The following DIP2C variants were observed in gnomAD, a reference collection of about 807,000 sequenced individuals.
DIP2C encodes DIP2 acetate--CoA ligase C (putative), also known as disco-interacting protein 2 homolog C.
In DIP2C, 33 loss-of-function variants were observed where a neutral mutation model predicts 192.4. The observed-to-expected ratio is 0.17, with a 90% CI of 0.13 to 0.23. DIP2C has a LOEUF of 0.23. Ranked by LOEUF, DIP2C falls within the 10% of genes least tolerant of loss-of-function variation. The pLI is 1.00. For missense variants in DIP2C, 1,537 were observed against 2,110.1 expected (o/e 0.73, Z 5.32); for synonymous variants, 979 against 864.1 (o/e 1.13, Z -2.33).
chr10:277,969 C>A (rs907101356), intron 36 of DIP2C, among the ~76,000 whole-genome samples: 1 of 152,250 alleles, frequency 6.6e-6, no homozygotes, highest in Non-Finnish European at 1.5e-5. Context: ...CTCAAGGCAG[C>A]CCTGTGCCTC....
chr10:593,958 CTT>C (rs1851552917), intron 1 of DIP2C, among the ~76,000 whole-genome samples: 4 of 152,186 alleles, frequency 2.6e-5, no homozygotes, highest in South Asian at 2.1e-4. Context: ...GTCCAGCACA[CTT>C]TATCATGAAT....
Position 518,153 on chromosome 10 carries a change from G to C in DIP2C, c.86-31623C>G, listed in dbSNP as rs192071239. On this transcript the variant is annotated intron_variant, in intron 1 of 36. Coordinates refer to ENST00000280886, the MANE Select transcript of DIP2C (RefSeq NM_014974.3). Reference sequence around the variant, plus strand: ...CAGTCACAGGCATGAGGCCTGGAGGGCGGACACCCAGTGCTGCTGACCACC... The same window carrying C: ...CAGTCACAGGCATGAGGCCTGGAGGCCGGACACCCAGTGCTGCTGACCACC... Among the ~76,000 whole-genome samples the C allele has an allele frequency of 3.2e-3, 493 of 152,326 alleles. 3 individuals carry two copies. Among genetic ancestry groups the C allele is most frequent in the African/African-American group, 0.011 (470 of 41,572 alleles).
chr10:297,831 T>C (rs149371402), intron 32 of DIP2C, among the ~76,000 whole-genome samples: 14 of 152,334 alleles, frequency 9.2e-5, no homozygotes, highest in African/African-American at 3.1e-4. Flanking sequence ...AAAGAAATGA[T>C]GCACGCTCCC....
intron 1 of DIP2C, among the ~76,000 whole-genome samples, chr10:606,513 C>T (rs1212727880): frequency 3.6e-5 from 5 of 139,834 alleles, no homozygotes; most frequent in African/African-American, 5.3e-5. Flanking sequence ...GGGGATCTCA[C>T]GGCCCCGCTG....
At chr10:395,399 C>T (rs1223424118) in intron 10 of DIP2C, among the ~76,000 whole-genome samples, 3 of 152,048 alleles carry the variant, frequency 2.0e-5, no homozygotes, top group South Asian at 2.1e-4. Context: ...TCACACTCTA[C>T]CCCATAAATG....
At chr10:580,372 GTATA>G (rs537142815) in intron 1 of DIP2C, among the ~76,000 whole-genome samples, 4 of 152,114 alleles carry the variant, frequency 2.6e-5, no homozygotes, top group South Asian at 2.1e-4. Context: ...GTGCACACAT[GTATA>G]TATATAAGTA....
rs144804147 is a variant in DIP2C at position 423,105 on chromosome 10, AAC to A, written c.395-74_395-73del. ...GCACCACAATCTCAGTCCCTCGCCA[AAC>A]ACAGATTTACTTCACGTAAGTCTCA... On this transcript the variant is annotated intron_variant, in intron 4 of 36. Transcript: ENST00000280886. The A allele has an allele frequency of 7.6e-4, 1,071 of 1,401,572 alleles. 9 individuals carry two copies. The African/African-American group carries it at 0.013, about 17-fold the overall frequency. 86.8% of individuals were successfully genotyped at this position (1,401,572 alleles called of 1,614,324 possible).
intron 10 of DIP2C, 49 bp from the exon 11 acceptor site, chr10:390,912 C>T (rs202227262): frequency 1.8e-4 from 286 of 1,601,366 alleles, no homozygotes; most frequent in Non-Finnish European, 2.1e-4. Flanking sequence ...TGCCCCACTC[C>T]GCCCAGCCTT....
chr10:295,935 T>C (rs1181100803), intron 32 of DIP2C, among the ~76,000 whole-genome samples: 3 of 152,252 alleles, frequency 2.0e-5, no homozygotes, highest in Non-Finnish European at 4.4e-5. Flanking sequence ...GAAGTGTCTG[T>C]TCATATCCTT....
chr10:534,133 C>T (rs1847567883), intron 1 of DIP2C, among the ~76,000 whole-genome samples: 1 of 152,254 alleles, frequency 6.6e-6, no homozygotes, highest in Non-Finnish European at 1.5e-5. Flanking sequence ...CCTGACCCCA[C>T]TTCCCAGAGT....
intron 1 of DIP2C, among the ~76,000 whole-genome samples, chr10:544,143 TGACCTTTGGTG>T (rs1848156740): frequency 1.3e-5 from 2 of 150,850 alleles, no homozygotes; most frequent in African/African-American, 5.0e-5. Flanking sequence ...GCACAGTGCG[TGACCTTTGGTG>T]TGACCTTTGG....
intron 1 of DIP2C, among the ~76,000 whole-genome samples, chr10:520,852 G>A (rs1846659051): frequency 6.6e-6 from 1 of 152,204 alleles, no homozygotes; most frequent in South Asian, 2.1e-4. Flanking sequence ...CCATCTGCAT[G>A]TTCATGGATA....
intron 1 of DIP2C, among the ~76,000 whole-genome samples, chr10:681,486 C>G (rs1831131452): frequency 6.6e-6 from 1 of 151,650 alleles, no homozygotes. Flanking sequence ...ACCCCAGTCC[C>G]ATGGTGCAGC....
At chr10:311,738 C>A (rs1177326322) in intron 31 of DIP2C, among the ~76,000 whole-genome samples, 1 of 152,092 alleles carries the variant, frequency 6.6e-6, no homozygotes, top group Non-Finnish European at 1.5e-5. Flanking sequence ...AAAAGAAGAT[C>A]AAAAACAACA....
At chr10:424,382 T>TTTTTTTTTTTTTTTTTTTTTTTTTG (rs1388302720) in intron 4 of DIP2C, among the ~76,000 whole-genome samples, 1 of 101,362 alleles carries the variant, frequency 9.9e-6, no homozygotes. Flanking sequence ...TTTTTTTTTT[T>TTTTTTTTTTTTTTTTTTTTTTTTTG]TGAGACAGAG....
intron 32 of DIP2C, among the ~76,000 whole-genome samples, chr10:292,601 G>T (rs547673384): frequency 1.2e-4 from 19 of 152,326 alleles, no homozygotes; most frequent in African/African-American, 4.3e-4. Flanking sequence ...AGCCCTGATG[G>T]CGCCGTGCAA....
chr10:644,690 G>A (rs1013752450), intron 1 of DIP2C, among the ~76,000 whole-genome samples: 5 of 151,578 alleles, frequency 3.3e-5, no homozygotes, highest in Admixed American at 2.0e-4. Flanking sequence ...TCAGCAACAC[G>A]GCCCACCATA....
At chr10:602,819 C>A (rs575854058) in intron 1 of DIP2C, among the ~76,000 whole-genome samples, 1 of 152,136 alleles carries the variant, frequency 6.6e-6, no homozygotes, top group Non-Finnish European at 1.5e-5. Context: ...GATCCTTTTT[C>A]GCAGAAAGAT....
intron 2 of DIP2C, among the ~76,000 whole-genome samples, chr10:473,462 C>A (rs1162490100): frequency 6.6e-6 from 1 of 151,680 alleles, no homozygotes; most frequent in Non-Finnish European, 1.5e-5. Context: ...ATGTCATCCC[C>A]ACAGTTCTGT....
Sources: allele counts gnomAD v4.1 joint callset (sites outside exome capture counted in the v4.1 genomes callset), GRCh38; gene constraint gnomAD v4.1.1; transcripts MANE v1.5; gene names NCBI Gene and HGNC (gene_info 2026-07-23, HGNC 2026-07-21).